NVL: variants seen among roughly 807,000 people sequenced by gnomAD.
NVL encodes the protein nuclear valosin-containing protein-like.
Under a neutral mutation model 110.2 loss-of-function variants are expected in NVL, and 84 were observed. The ratio of observed to expected loss-of-function variants is 0.76; its 90% CI spans 0.64 to 0.91. The LOEUF is 0.91. Ranked by LOEUF, NVL falls within the 40% of genes least tolerant of loss-of-function variation. The pLI is 0.00. For missense variants in NVL, 882 were observed against 1,035.9 expected (o/e 0.85, Z 2.04); for synonymous variants, 354 against 361.1 (o/e 0.98, Z 0.22).
chr1:224,321,366 T>C (rs977375260), intron 2 of NVL, among the ~76,000 whole-genome samples: 1 of 152,194 alleles, frequency 6.6e-6, no homozygotes, highest in African/African-American at 2.4e-5. Context: ...TTGAGGGCCA[T>C]AGTTTGCCAA....
intron 12 of NVL, among the ~76,000 whole-genome samples, chr1:224,292,252 T>C (rs901731330): frequency 6.6e-6 from 1 of 152,272 alleles, no homozygotes; most frequent in Non-Finnish European, 1.5e-5. Context: ...TAAAAAATAG[T>C]AATAATAAAA....
At chr1:224,298,354 A>G in intron 10 of NVL, 1 of 192,250 alleles carries the variant, frequency 5.2e-6, no homozygotes, top group Non-Finnish European at 1.1e-5. Flanking sequence ...GCATTGTTGT[A>G]AAGAAACAAG....
chr1:224,287,804 T>A lies in NVL; in HGVS notation c.1765A>T (p.Ile589Phe). ...TWADIGALEDIREELTMAILA... is the reference protein window; with the variant it reads ...TWADIGALEDFREELTMAILA... ...ATTGCCATGGTGAGCTCCTCTCTAA[T>A]GTCTTCCAGGGCACCAATATCTGCC... The change falls in exon 14 of 23, where the codon ATT becomes TTT. Residue 589 changes from isoleucine (I) to phenylalanine (F), a missense_variant. Ile to Phe is a conservative substitution (Grantham distance 21). This residue lies in a region of NVL where 416 missense variants were observed against 499.3 expected (regional missense o/e 0.83). Transcript: ENST00000281701. 6.2e-7 allele frequency: 1 copy of A among 1,614,154 alleles called. No homozygotes were observed.
intron 16 of NVL, among the ~76,000 whole-genome samples, chr1:224,279,821 T>C (rs1446253867): frequency 2.0e-5 from 3 of 152,170 alleles, no homozygotes; most frequent in Non-Finnish European, 2.9e-5. Context: ...CATTTCCAAT[T>C]ATCTCATAAA....
intron 18 of NVL, among the ~76,000 whole-genome samples, chr1:224,251,554 C>T (rs1662506026): frequency 6.6e-6 from 1 of 150,972 alleles, no homozygotes. Context: ...GCAGAAGAAT[C>T]ACTTGAACCT....
At chr1:224,286,352 C>T (rs1190995813) in intron 14 of NVL, among the ~76,000 whole-genome samples, 2 of 151,998 alleles carry the variant, frequency 1.3e-5, no homozygotes, top group African/African-American at 2.4e-5. Flanking sequence ...ACTACAGGCA[C>T]ATGCCACCAC....
At chr1:224,303,470 C>T (rs1037994927) in intron 9 of NVL, among the ~76,000 whole-genome samples, 3 of 150,978 alleles carry the variant, frequency 2.0e-5, no homozygotes, top group Admixed American at 2.0e-4. Context: ...TACTTTTTAT[C>T]TAACTCTTGC....
intron 19 of NVL, among the ~76,000 whole-genome samples, chr1:224,248,295 T>C (rs1662088011): frequency 6.6e-6 from 1 of 152,238 alleles, no homozygotes; most frequent in Admixed American, 6.5e-5. Flanking sequence ...ATTCCCGTGA[T>C]AATGCCTTAG....
At chr1:224,304,261 C>T (rs900608469) in intron 8 of NVL, among the ~76,000 whole-genome samples, 1 of 152,038 alleles carries the variant, frequency 6.6e-6, no homozygotes, top group African/African-American at 2.4e-5. Context: ...CCTGTCTCTA[C>T]TAAAAATACA....
At chr1:224,310,178 C>CA (rs1230097656) in intron 5 of NVL, among the ~76,000 whole-genome samples, 2,527 of 37,990 alleles carry the variant, frequency 0.067, 36 homozygotes, top group South Asian at 0.098. Flanking sequence ...GACTCCCTCG[C>CA]AAAAAAAAAA....
chr1:224,245,193 AG>A (rs753808284), intron 19 of NVL, among the ~76,000 whole-genome samples: 9 of 152,232 alleles, frequency 5.9e-5, no homozygotes, highest in Non-Finnish European at 1.3e-4. Context: ...TGAAATAAAA[AG>A]GGTAAACATT....
intron 18 of NVL, among the ~76,000 whole-genome samples, chr1:224,256,317 C>T (rs553599568): frequency 1.1e-3 from 167 of 149,224 alleles, no homozygotes; most frequent in African/African-American, 3.9e-3. Context: ...CCCAGCTACT[C>T]GGGAGGCTAA....
intron 18 of NVL, among the ~76,000 whole-genome samples, chr1:224,265,729 T>C (rs1245999837): frequency 6.6e-6 from 1 of 152,148 alleles, no homozygotes; most frequent in Admixed American, 6.5e-5. Flanking sequence ...TGAATGATGC[T>C]GGTTTCAAGA....
At chr1:224,312,328 C>T (rs968534989) in intron 4 of NVL, among the ~76,000 whole-genome samples, 2 of 152,224 alleles carry the variant, frequency 1.3e-5, no homozygotes, top group Admixed American at 6.6e-5. Context: ...ATGACCAAAG[C>T]ATGTAACCAA....
At chr1:224,308,623 G>A (rs145735013) in intron 5 of NVL, among the ~76,000 whole-genome samples, 8,779 of 148,544 alleles carry the variant, frequency 0.059, 826 homozygotes, top group African/African-American at 0.2. Context: ...CCCAGCAGGC[G>A]GAAGTTGCAG....
At chr1:224,232,964 T>A (rs1660061963) in intron 21 of NVL, 2 of 373,530 alleles carry the variant, frequency 5.4e-6, no homozygotes, top group Admixed American at 9.0e-5. Context: ...AGCGAATGGA[T>A]CCATTTGCCT....
intron 20 of NVL, among the ~76,000 whole-genome samples, chr1:224,234,072 A>T (rs1178984363): frequency 6.6e-6 from 1 of 152,214 alleles, no homozygotes; most frequent in Non-Finnish European, 1.5e-5. Context: ...CAAGTTCAGA[A>T]GGGAAAAATA....
chr1:224,272,240 G>A (rs1406017368), intron 17 of NVL, among the ~76,000 whole-genome samples: 4 of 151,158 alleles, frequency 2.6e-5, no homozygotes, highest in African/African-American at 9.7e-5. Context: ...AGCTACTCAG[G>A]AGGCTGAGGC....
chr1:224,269,331 C>CT (rs1380250925), intron 17 of NVL, among the ~76,000 whole-genome samples: 7 of 152,130 alleles, frequency 4.6e-5, no homozygotes, highest in Non-Finnish European at 1.0e-4. Context: ...ACCAATCCTC[C>CT]TGCCTTGGCC....
Sources: gnomAD v4.1 joint callset for allele counts (sites outside exome capture counted in the v4.1 genomes callset) on GRCh38, gnomAD v4.1.1 for gene constraint, gnomAD v4.1.1 regional missense constraint, MANE v1.5 for transcripts, NCBI Gene and HGNC (gene_info 2026-07-23, HGNC 2026-07-21) for gene names.